Variants in LRBA observed in about 807,000 individuals in gnomAD.
The protein encoded by LRBA is LPS responsive beige-like anchor protein, also known as lipopolysaccharide-responsive and beige-like anchor protein.
In LRBA, 176 loss-of-function variants were observed where a neutral mutation model predicts 330.0. The ratio of observed to expected loss-of-function variants is 0.53; its 90% CI spans 0.47 to 0.60. The LOEUF (loss-of-function observed/expected upper bound fraction) is 0.60. Among genes scored for constraint, LRBA ranks in the 20% least tolerant of loss-of-function variants. The probability of loss-of-function intolerance (pLI) is 0.00; values close to 1 mark genes in which losing one functional copy is unlikely to be tolerated. For synonymous variants in LRBA, 1,230 were observed against 1,193.0 expected, an observed-to-expected ratio of 1.03 and a Z score of -0.64; for missense variants, 3,259 against 3,444.8, an observed-to-expected ratio of 0.95 and a Z score of 1.35.
chr4:150,317,722 T>A (rs373259456), intron 50 of LRBA, among the ~76,000 whole-genome samples: 10 of 152,146 alleles, frequency 6.6e-5, no homozygotes, highest in African/African-American at 2.4e-4. Context: ...TAAACCAAAC[T>A]GTCAGTGAAA....
At chr4:150,837,263 A>C (rs1368750822) in intron 28 of LRBA, among the ~76,000 whole-genome samples, 1 of 152,006 alleles carries the variant, frequency 6.6e-6, no homozygotes, top group African/African-American at 2.4e-5. Flanking sequence ...GAGAAGAATG[A>C]TTATTCTGTT....
intron 34 of LRBA, among the ~76,000 whole-genome samples, chr4:150,774,048 T>TAG (rs1405742514): frequency 5.3e-5 from 8 of 152,216 alleles, no homozygotes; most frequent in Non-Finnish European, 1.0e-4. Flanking sequence ...CACCAGTGTA[T>TAG]AGAGCACCCT....
intron 56 of LRBA, among the ~76,000 whole-genome samples, chr4:150,268,796 A>G (rs903764741): frequency 6.6e-6 from 1 of 152,066 alleles, no homozygotes; most frequent in African/African-American, 2.4e-5. Context: ...CTAACACCAC[A>G]CTCGATGAAA....
At chr4:150,783,789 CAT>C (rs1220136090) in intron 34 of LRBA, among the ~76,000 whole-genome samples, 1 of 152,088 alleles carries the variant, frequency 6.6e-6, no homozygotes, top group Non-Finnish European at 1.5e-5. Flanking sequence ...ATGCTTAACA[CAT>C]ATGTCTCATA....
Position 150,487,827 on chromosome 4 carries a change from C to T in LRBA, c.6456G>A (p.Val2152=). ...LEIFMANRVA[V]MFNFPDPATV... ...TTGCAGGGTCTGGGAAGTTGAACAT[C>T]ACAGCAACTACAACAGATGATTTTT... is the stretch of plus-strand genomic sequence containing the variant. The change falls in exon 42 of 57, where the codon GTG becomes GTA. Residue 2152 remains valine, a synonymous_variant. Coordinates refer to ENST00000651943, the MANE Select transcript of LRBA (RefSeq NM_001364905.1). The T allele has an allele frequency of 6.4e-7, 1 of 1,569,236 alleles. No homozygotes were observed. Among genetic ancestry groups the T allele is most frequent in the Non-Finnish European group, 8.7e-7 (1 of 1,145,542 alleles).
intron 36 of LRBA, among the ~76,000 whole-genome samples, chr4:150,702,642 T>C (rs1334368981): frequency 6.6e-6 from 1 of 152,172 alleles, no homozygotes; most frequent in African/African-American, 2.4e-5. Context: ...AATGCCTAAA[T>C]CCTAGTTCTT....
Position 150,896,475 on chromosome 4 carries a change from G to A in LRBA, c.2005-19C>T, listed in dbSNP as rs761209458. ...CAGAATCCTTCAAAAACATAATACA[G>A]GTATCTTACGTTTACATGTAAAAAA... On this transcript the variant is annotated intron_variant, in intron 15 of 56. Transcript: ENST00000651943. 3.8e-6 allele frequency: 5 copies of A among 1,326,952 alleles called. No individual in the cohort carries two copies. The South Asian group carries it at 6.7e-5, about 18-fold the overall frequency. The allele number at this position is 1,326,952 out of a possible 1,614,324, so 82.2% of individuals were successfully genotyped here.
intron 44 of LRBA, among the ~76,000 whole-genome samples, chr4:150,444,606 C>G (rs568840589): frequency 6.6e-6 from 1 of 152,042 alleles, no homozygotes; most frequent in East Asian, 1.9e-4. Flanking sequence ...TTAATACTGT[C>G]AAGAAAAAAA....
At chr4:150,472,651 C>T (rs1361261810) in intron 42 of LRBA, among the ~76,000 whole-genome samples, 1 of 152,098 alleles carries the variant, frequency 6.6e-6, no homozygotes, top group African/African-American at 2.4e-5. Flanking sequence ...ATCTTCATTC[C>T]TATCCCCACC....
intron 44 of LRBA, among the ~76,000 whole-genome samples, chr4:150,466,615 A>G (rs908662754): frequency 6.6e-6 from 1 of 152,110 alleles, no homozygotes; most frequent in African/African-American, 2.4e-5. Context: ...GGGTCAGGGT[A>G]CAGACAGGGA....
chr4:150,736,031 G>A (rs1003973623), intron 35 of LRBA, among the ~76,000 whole-genome samples: 3 of 152,146 alleles, frequency 2.0e-5, no homozygotes, highest in Non-Finnish European at 4.4e-5. Flanking sequence ...ACCAATGCAG[G>A]AGGGCCATGG....
chr4:150,610,267 A>G (rs1173084981), intron 37 of LRBA, among the ~76,000 whole-genome samples: 1 of 152,160 alleles, frequency 6.6e-6, no homozygotes, highest in Non-Finnish European at 1.5e-5. Flanking sequence ...GACCCTGACC[A>G]TACATAGTAA....
chr4:150,384,022 T>A (rs1232286167), intron 47 of LRBA, among the ~76,000 whole-genome samples: 2 of 151,906 alleles, frequency 1.3e-5, no homozygotes, highest in African/African-American at 4.8e-5. Context: ...ACAGTTTTTT[T>A]ATTTTTATTT....
chr4:150,282,655 A>G lies in LRBA; in HGVS notation c.8120-9T>C, dbSNP rs781121695. Reference sequence around the variant, plus strand: ...TATGAGACATGGTCCTTCTGAGAAGAGAGGAGAAATAAAAGGCAAAATTAT... The same window carrying G: ...TATGAGACATGGTCCTTCTGAGAAGGGAGGAGAAATAAAAGGCAAAATTAT... On this transcript the variant is annotated splice_polypyrimidine_tract_variant and intron_variant, in intron 54 of 56. Coordinates refer to ENST00000651943, the MANE Select transcript of LRBA (RefSeq NM_001364905.1). The G allele has an allele frequency of 1.3e-6, 2 of 1,579,570 alleles. No homozygotes were observed. The highest frequency in any genetic ancestry group is 2.7e-5 in the African/African-American group (2 of 73,258).
chr4:150,901,579 C>T (rs1449920275), intron 13 of LRBA, among the ~76,000 whole-genome samples: 1 of 152,172 alleles, frequency 6.6e-6, no homozygotes, highest in African/African-American at 2.4e-5. Flanking sequence ...CAAGGTACCT[C>T]AGTGTCACCT....
chr4:150,869,195 A>G (rs913935710), intron 20 of LRBA, among the ~76,000 whole-genome samples: 2 of 151,728 alleles, frequency 1.3e-5, no homozygotes, highest in African/African-American at 4.8e-5. Context: ...CTGGGATTAC[A>G]GGCATGAGCC....
chr4:150,388,505 A>G (rs1433709431), intron 47 of LRBA, among the ~76,000 whole-genome samples: 1 of 152,210 alleles, frequency 6.6e-6, no homozygotes, highest in African/African-American at 2.4e-5. Flanking sequence ...TTGAGGTACG[A>G]ATCATCTTTA....
chr4:150,510,386 C>T (rs1452552556), intron 40 of LRBA, among the ~76,000 whole-genome samples: 1 of 152,106 alleles, frequency 6.6e-6, no homozygotes, highest in Non-Finnish European at 1.5e-5. Flanking sequence ...TCAGCATTAT[C>T]CAGATGTCAA....
At chr4:150,395,797 C>A (rs1162004851) in intron 47 of LRBA, among the ~76,000 whole-genome samples, 2 of 152,170 alleles carry the variant, frequency 1.3e-5, no homozygotes, top group Non-Finnish European at 2.9e-5. Flanking sequence ...TTATTCATTT[C>A]ATATGGCACT....
Sources: gnomAD v4.1 joint callset for allele counts (sites outside exome capture counted in the v4.1 genomes callset) on GRCh38, gnomAD v4.1.1 for gene constraint, MANE v1.5 for transcripts, NCBI Gene and HGNC (gene_info 2026-07-23, HGNC 2026-07-21) for gene names.